RAB38: variants seen among roughly 807,000 people sequenced by gnomAD.
RAB38 encodes the protein RAB38, member RAS oncogene family, also known as ras-related protein Rab-38.
A neutral mutation model predicts 18.4 loss-of-function variants in RAB38; 15 were observed. The observed-to-expected ratio is 0.82, with a 90% confidence interval of 0.55 to 1.26. The LOEUF (loss-of-function observed/expected upper bound fraction) is 1.26. RAB38 is among the 50% of genes most tolerant of loss of function. The pLI is 0.00. For missense variants in RAB38, 294 were observed against 267.4 expected (o/e 1.10, Z -0.69); for synonymous variants, 101 against 104.4 (o/e 0.97, Z 0.20).
chr11:87,940,798 A>G, the RAB38 span, among the ~76,000 whole-genome samples: 4 of 151,826 alleles, frequency 2.6e-5, no homozygotes, highest in African/African-American at 9.7e-5. Context: ...ACGTCTGGCT[A>G]ATTTTTGTAT....
chr11:88,035,217 C>G, the RAB38 span, among the ~76,000 whole-genome samples: 4 of 152,018 alleles, frequency 2.6e-5, no homozygotes, highest in African/African-American at 9.7e-5. Context: ...TTAATGATGT[C>G]TTTTGATGAA....
the RAB38 span, among the ~76,000 whole-genome samples, chr11:87,878,249 A>ATCTG: frequency 9.9e-3 from 778 of 78,692 alleles, 54 homozygotes; most frequent in African/African-American, 0.021. Context: ...ACACACACCT[A>ATCTG]TCATCTATCT....
At chr11:87,835,358 C>T in the RAB38 span, among the ~76,000 whole-genome samples, 55 of 152,162 alleles carry the variant, frequency 3.6e-4, no homozygotes, top group South Asian at 7.5e-3. Flanking sequence ...GTCTGGATCT[C>T]GGATGTTGTA....
chr11:88,070,319 G>A, the RAB38 span, among the ~76,000 whole-genome samples: 12 of 152,266 alleles, frequency 7.9e-5, no homozygotes, highest in South Asian at 1.7e-3. Flanking sequence ...TGAAGTCAGC[G>A]AGACCACGAA....
chr11:88,171,096 G>C (rs1011158001), intron 1 of RAB38, among the ~76,000 whole-genome samples: 12 of 152,304 alleles, frequency 7.9e-5, no homozygotes, highest in South Asian at 2.1e-4. Flanking sequence ...TGTGAAAACA[G>C]TCTGTAATAA....
At chr11:87,973,340 T>C in the RAB38 span, among the ~76,000 whole-genome samples, 1 of 151,990 alleles carries the variant, frequency 6.6e-6, no homozygotes, top group Admixed American at 6.6e-5. Flanking sequence ...CATGAAAGAA[T>C]AGCTGCATAA....
the RAB38 span, among the ~76,000 whole-genome samples, chr11:88,032,708 A>G: frequency 3.9e-4 from 59 of 152,362 alleles, no homozygotes; most frequent in East Asian, 0.011. Flanking sequence ...AATGGCAATC[A>G]TTAAAAAGTC....
chr11:87,807,066 A>T, the RAB38 span, among the ~76,000 whole-genome samples: 1 of 152,110 alleles, frequency 6.6e-6, no homozygotes, highest in East Asian at 1.9e-4. Context: ...TAGGAGCGCG[A>T]ACTCTATTGT....
chr11:87,973,181 A>G, the RAB38 span, among the ~76,000 whole-genome samples: 2 of 152,120 alleles, frequency 1.3e-5, no homozygotes, highest in African/African-American at 4.8e-5. Flanking sequence ...CAAGGAAAGA[A>G]AGAAAATGTA....
the RAB38 span, among the ~76,000 whole-genome samples, chr11:87,866,670 T>C: frequency 6.6e-6 from 1 of 151,868 alleles, no homozygotes; most frequent in Non-Finnish European, 1.5e-5. Context: ...GTGTGCCATA[T>C]AGTGGGCAAG....
chr11:88,114,420 A>G (rs947991736), intron 2 of RAB38, among the ~76,000 whole-genome samples: 1 of 152,172 alleles, frequency 6.6e-6, no homozygotes, highest in Non-Finnish European at 1.5e-5. Context: ...TCTTATTTTC[A>G]CATTTTCACA....
chr11:88,027,304 C>T, the RAB38 span, among the ~76,000 whole-genome samples: 50 of 152,162 alleles, frequency 3.3e-4, no homozygotes, highest in African/African-American at 5.5e-4. Context: ...ACGCAGAAGA[C>T]GGGTGATTTC....
the RAB38 span, among the ~76,000 whole-genome samples, chr11:88,076,001 A>G: frequency 6.6e-6 from 1 of 151,770 alleles, no homozygotes; most frequent in African/African-American, 2.4e-5. Context: ...AATAGTAAAT[A>G]TCAGAGAAAA....
the RAB38 span, among the ~76,000 whole-genome samples, chr11:87,976,143 T>C: frequency 2.0e-5 from 3 of 148,846 alleles, no homozygotes; most frequent in South Asian, 2.1e-4. Context: ...TGTGTGTGTA[T>C]ATATACATAT....
intron 2 of RAB38, among the ~76,000 whole-genome samples, chr11:88,129,748 G>A (rs1159912250): frequency 6.6e-6 from 1 of 152,156 alleles, no homozygotes; most frequent in East Asian, 1.9e-4. Context: ...ATAAGATGGA[G>A]TTATTTTTAA....
the RAB38 span, among the ~76,000 whole-genome samples, chr11:88,066,179 C>T: frequency 6.7e-4 from 102 of 152,292 alleles, no homozygotes; most frequent in Non-Finnish European, 1.4e-3. Flanking sequence ...CTCCTAACTC[C>T]TTGGTGGTTC....
chr11:88,027,466 A>G, the RAB38 span, among the ~76,000 whole-genome samples: 1 of 152,102 alleles, frequency 6.6e-6, no homozygotes, highest in Non-Finnish European at 1.5e-5. Flanking sequence ...TCCCTTTCCT[A>G]GTCAAAGAAA....
chr11:87,880,564 T>G, the RAB38 span, among the ~76,000 whole-genome samples: 26 of 151,950 alleles, frequency 1.7e-4, no homozygotes, highest in African/African-American at 6.0e-4. Flanking sequence ...ATACACTGAC[T>G]AATACACTGT....
chr11:88,011,748 T>A, the RAB38 span, among the ~76,000 whole-genome samples: 12 of 152,176 alleles, frequency 7.9e-5, no homozygotes, highest in Non-Finnish European at 1.5e-4. Flanking sequence ...GTAGGTATCA[T>A]AGATTTCATC....
Sources: allele counts gnomAD v4.1 joint callset (sites outside exome capture counted in the v4.1 genomes callset), GRCh38; gene constraint gnomAD v4.1.1; transcripts MANE v1.5; gene names NCBI Gene and HGNC (gene_info 2026-07-23, HGNC 2026-07-21).